The following PLCH2 variants were observed in gnomAD, a reference collection of about 807,000 sequenced individuals.
PLCH2 encodes phospholipase C eta 2.
Under a neutral mutation model 134.7 loss-of-function variants are expected in PLCH2, and 98 were observed. The observed-to-expected ratio is 0.73, with a 90% confidence interval of 0.62 to 0.86. The LOEUF (loss-of-function observed/expected upper bound fraction) is 0.86. PLCH2 is among the 40% of genes least tolerant of loss of function. The pLI is 0.00. For synonymous variants in PLCH2, 974 were observed against 827.5 expected (o/e 1.18, Z -3.04); for missense variants, 1,994 against 1,986.6 (o/e 1.00, Z -0.07).
intron 8 of PLCH2, 54 bp from the exon 9 acceptor site, chr1:2,489,153 A>G: frequency 6.6e-7 from 1 of 1,516,344 alleles, no homozygotes; most frequent in Non-Finnish European, 9.1e-7. Context: ...GGTGGGGCTT[A>G]CCCATCCTCT....
chr1:2,482,955 C>T (rs1047764182), intron 4 of PLCH2, among the ~76,000 whole-genome samples: 5 of 152,178 alleles, frequency 3.3e-5, no homozygotes, highest in African/African-American at 9.7e-5. Context: ...CCTGCTTCCT[C>T]GACCCCACTC....
At chr1:2,503,128 T>A (rs1643331608) in intron 21 of PLCH2, 1 of 670,022 alleles carries the variant, frequency 1.5e-6, no homozygotes, top group Non-Finnish European at 2.7e-6. Context: ...GGGACTTGGG[T>A]GGAGCTGGTT....
chr1:2,502,387 G>T lies in PLCH2; in HGVS notation c.2937G>T (p.Gly979=). 1 of 1,543,426 alleles carries T rather than the reference G, an allele frequency of 6.5e-7. No individual in the cohort carries two copies. The change falls in exon 21 of 22, where the codon GGG becomes GGT. Residue 979 remains glycine (G), a synonymous_variant. Coordinates refer to ENST00000378486, the MANE Select transcript of PLCH2 (RefSeq NM_014638.4). Reference sequence around the variant, plus strand: ...CTCCGGAAGCCCCAGCCCAGGAGGGGCCCGGCAGCGGCAGCCCCCGAGGTA... The same window carrying T: ...CTCCGGAAGCCCCAGCCCAGGAGGGTCCCGGCAGCGGCAGCCCCCGAGGTA... ...GPAPEAPAQE[G]PGSGSPRDTR...
intron 2 of PLCH2, among the ~76,000 whole-genome samples, chr1:2,453,817 C>T (rs939167345): frequency 2.0e-5 from 3 of 152,224 alleles, no homozygotes; most frequent in Non-Finnish European, 2.9e-5. Context: ...CCCCGTCTCC[C>T]GGTGGGGAGG....
At position 2,444,940 on chromosome 1, in the gene PLCH2, G is replaced by T. The variant is rs1030573284; in HGVS notation, c.115+14311G>T. On this transcript the variant is annotated intron_variant, in intron 2 of 3. Coordinates refer to the PLCH2 transcript ENST00000609981. The surrounding 1 kb of genome is among the most constrained non-coding windows in gnomAD (Gnocchi z 4.6). The stretch of plus-strand genomic sequence containing the variant: ...CTAGAGACTCCTTCAGCGAGGTGCA[G>T]CCTCAGAGGGGATTCAGGCACCATG... Among the ~76,000 whole-genome samples, 4 of 152,152 alleles carry T rather than the reference G, an allele frequency of 2.6e-5. No individual in the cohort carries two copies. The highest frequency in any genetic ancestry group is 9.7e-5 in the African/African-American group (4 of 41,426).
chr1:2,462,609 G>A (rs1640878530), upstream of PLCH2, among the ~76,000 whole-genome samples: 1 of 152,068 alleles, frequency 6.6e-6, no homozygotes, highest in African/African-American at 2.4e-5. Flanking sequence ...GTCCTCACTG[G>A]TCTGTCTTCC....
At position 2,487,220 on chromosome 1, in the gene PLCH2, G is replaced by T; in HGVS notation, c.958G>T (p.Glu320Ter). 6.3e-7 allele frequency: 1 copy of T among 1,599,542 alleles called. No homozygotes were observed. ...RSPAGDIFNP[E>*]HHHVHQDMTQ... ...CCCTGCTGGTGACATCTTCAACCCT[G>T]AGCACCACCATGTGCACCAGGACAT... The change falls in exon 7 of 22, where the codon GAG becomes TAG. Residue 320 changes from glutamate (E) to a stop codon, truncating the protein, a stop_gained. Coordinates refer to ENST00000378486, the MANE Select transcript of PLCH2 (RefSeq NM_014638.4). LOFTEE classifies it high-confidence loss of function.
chr1:2,478,436 G>T, intron 1 of PLCH2, 40 bp from the exon 2 acceptor site: 4 of 1,606,094 alleles, frequency 2.5e-6, no homozygotes, highest in Middle Eastern at 1.7e-4. Flanking sequence ...GCGAGGAGTG[G>T]CTGTGCCTCC....
In PLCH2 at chr1:2,498,659, C is replaced by T. The variant is rs1298507212; in HGVS notation, c.2349+12C>T. 2.0e-6 allele frequency: 3 copies of T among 1,484,432 alleles called. No individual in the cohort carries two copies. The East Asian group carries it at 7.3e-5, about 36-fold the overall frequency. 92.0% of individuals were successfully genotyped at this position (1,484,432 alleles called of 1,614,324 possible). ...GGGACCGTGGGGAGGTGGGGGCCAG[C>T]CCCACACAGGCGGGAGGGGTGGGAG... On this transcript the variant is annotated intron_variant, in intron 17 of 21. Coordinates refer to ENST00000378486, the MANE Select transcript of PLCH2 (RefSeq NM_014638.4). This position sits in a 1 kb window ranked among gnomAD's most constrained non-coding sequence, Gnocchi z 5.4.
upstream of PLCH2, among the ~76,000 whole-genome samples, chr1:2,475,183 G>T (rs528584453): frequency 6.6e-6 from 1 of 152,144 alleles, no homozygotes; most frequent in African/African-American, 2.4e-5. Context: ...CACCTCCCAC[G>T]CCTGACCTTG....
chr1:2,456,700 TC>T (rs1489716611), intron 2 of PLCH2, among the ~76,000 whole-genome samples: 2 of 151,918 alleles, frequency 1.3e-5, no homozygotes, highest in African/African-American at 2.4e-5. Flanking sequence ...GGCCTCAGTT[TC>T]CCCCTCTGAA....
intron 2 of PLCH2, among the ~76,000 whole-genome samples, chr1:2,460,595 T>G (rs1049217080): frequency 1.3e-5 from 2 of 152,090 alleles, no homozygotes; most frequent in Non-Finnish European, 2.9e-5. Context: ...TTTCAAGGAT[T>G]TTCATATTTT....
chr1:2,416,927 G>C, the PLCH2 span, among the ~76,000 whole-genome samples: 2 of 152,142 alleles, frequency 1.3e-5, no homozygotes, highest in Non-Finnish European at 2.9e-5. Context: ...AGCCAGCCTG[G>C]GGGGGCCCTG....
chr1:2,440,291 C>T (rs938532142), intron 2 of PLCH2, among the ~76,000 whole-genome samples: 4 of 152,020 alleles, frequency 2.6e-5, no homozygotes, highest in African/African-American at 9.7e-5. Context: ...GGGAGGATCT[C>T]GGGTGGGGGG....
chr1:2,423,856 A>C (rs1570178091), upstream of PLCH2, among the ~76,000 whole-genome samples: 3 of 152,214 alleles, frequency 2.0e-5, no homozygotes, highest in African/African-American at 4.8e-5. Flanking sequence ...AACAGTTATG[A>C]GGAGAGGTCA....
intron 20 of PLCH2, 57 bp downstream of exon 20, chr1:2,499,777 T>C: frequency 7.5e-7 from 1 of 1,334,744 alleles, no homozygotes; most frequent in Non-Finnish European, 1.1e-6. Flanking sequence ...CAGCCCCTTG[T>C]CCCATGCCCC....
upstream of PLCH2, among the ~76,000 whole-genome samples, chr1:2,471,935 C>A (rs374590273): frequency 6.6e-6 from 1 of 152,196 alleles, no homozygotes; most frequent in Admixed American, 6.5e-5. Flanking sequence ...GGCTGCCACA[C>A]GGAGGGCGCT....
Position 2,504,468 on chromosome 1 carries a change from G to GT in PLCH2, c.3507dup (p.Glu1170Ter), listed in dbSNP as rs1643424375. On this transcript the variant is annotated frameshift_variant, in exon 22 of 22. Coordinates refer to ENST00000378486, the MANE Select transcript of PLCH2 (RefSeq NM_014638.4). LOFTEE classifies it high-confidence loss of function. ...CCCAGCCTGGGCCTGGGCCGCAGCC[G>GT]TGAGAACCTCGCTGGAGCCCACATG... 2 of 1,612,488 alleles carry GT rather than the reference G, an allele frequency of 1.2e-6. No homozygotes were observed. The highest frequency in any genetic ancestry group is 1.7e-6 in the Non-Finnish European group (2 of 1,179,754).
chr1:2,463,631 C>T (rs192772695), upstream of PLCH2, among the ~76,000 whole-genome samples: 367 of 151,550 alleles, frequency 2.4e-3, 2 homozygotes, highest in African/African-American at 7.8e-3. Flanking sequence ...ACAGCTGCAG[C>T]CCGGAGACTG....
Sources: gnomAD v4.1 joint callset for allele counts (sites outside exome capture counted in the v4.1 genomes callset) on GRCh38, gnomAD v4.1.1 for gene constraint, Gnocchi (gnomAD v3.1) non-coding constraint, MANE v1.5 for transcripts, NCBI Gene and HGNC (gene_info 2026-07-23, HGNC 2026-07-21) for gene names.